Variants in IQCK observed in about 807,000 individuals in gnomAD.
The protein encoded by IQCK is IQ motif containing K.
In IQCK, 29 loss-of-function variants were observed where a neutral mutation model predicts 28.1. The ratio of observed to expected loss-of-function variants is 1.03; its 90% CI spans 0.77 to 1.41. IQCK has a LOEUF of 1.41. IQCK is among the 40% of genes most tolerant of loss of function. IQCK has a pLI of 0.00. For synonymous variants in IQCK, 113 were observed against 115.1 expected (o/e 0.98, Z 0.12); for missense variants, 359 against 314.7 (o/e 1.14, Z -1.07).
chr16:19,798,421 A>AAAAT (rs372924958), intron 7 of IQCK, among the ~76,000 whole-genome samples: 6 of 115,484 alleles, frequency 5.2e-5, no homozygotes, highest in Middle Eastern at 3.8e-3. Flanking sequence ...CATCACAAAA[A>AAAAT]ATATATATAT....
chr16:19,765,899 A>G (rs2055228083), intron 6 of IQCK: 1 of 152,214 alleles, frequency 6.6e-6, no homozygotes, highest in East Asian at 1.9e-4. Context: ...ATAACCAATG[A>G]AAAATAACCT....
intron 4 of IQCK, among the ~76,000 whole-genome samples, chr16:19,759,396 A>G (rs557991385): frequency 1.3e-5 from 2 of 151,954 alleles, no homozygotes; most frequent in South Asian, 4.2e-4. Flanking sequence ...TTTAGTAGAG[A>G]TGGGGTTTTG....
chr16:19,785,170 A>G (rs959156097), intron 6 of IQCK, among the ~76,000 whole-genome samples: 29 of 152,242 alleles, frequency 1.9e-4, no homozygotes, highest in African/African-American at 6.8e-4. Flanking sequence ...TGAGCAAATT[A>G]GAAAAAGGTA....
intron 9 of IQCK, among the ~76,000 whole-genome samples, chr16:19,847,297 G>A (rs1198500116): frequency 6.6e-6 from 1 of 152,110 alleles, no homozygotes; most frequent in Non-Finnish European, 1.5e-5. Flanking sequence ...ACATTTTTGT[G>A]TCTGTTCTCT....
intron 4 of IQCK, among the ~76,000 whole-genome samples, chr16:19,745,451 G>T (rs144453227): frequency 2.0e-5 from 3 of 152,102 alleles, no homozygotes; most frequent in African/African-American, 4.8e-5. Context: ...GGTCAGCCCC[G>T]CAGCGGCCGT....
chr16:19,746,225 G>A (rs928661699), intron 4 of IQCK, among the ~76,000 whole-genome samples: 8 of 149,614 alleles, frequency 5.3e-5, no homozygotes, highest in South Asian at 2.1e-4. Context: ...TGGGTACGTC[G>A]TAGATATATA....
chr16:19,733,818 C>T, exon 3 of IQCK: 14 of 1,613,746 alleles, frequency 8.7e-6, no homozygotes, highest in Middle Eastern at 1.7e-4. Context: ...AACAATCAAC[C>T]CAAAAACATG....
chr16:19,722,620 C>T (rs1274635279), intron 1 of IQCK, among the ~76,000 whole-genome samples: 1 of 152,156 alleles, frequency 6.6e-6, no homozygotes, highest in African/African-American at 2.4e-5. Flanking sequence ...CAATGCTGGG[C>T]CAGGTATAAC....
At chr16:19,841,868 G>A (rs564861374) in intron 9 of IQCK, among the ~76,000 whole-genome samples, 40 of 144,458 alleles carry the variant, frequency 2.8e-4, no homozygotes, top group African/African-American at 1.0e-3. Context: ...TTTTTGAGAC[G>A]CAGTTTTGTT....
chr16:19,758,076 G>A (rs1430770964), intron 4 of IQCK, among the ~76,000 whole-genome samples: 5 of 152,132 alleles, frequency 3.3e-5, no homozygotes, highest in Non-Finnish European at 5.9e-5. Flanking sequence ...ACAAACATAA[G>A]CATTTTCACC....
chr16:19,829,612 C>T (rs773576385), downstream of IQCK, among the ~76,000 whole-genome samples: 2 of 152,152 alleles, frequency 1.3e-5, no homozygotes, highest in Non-Finnish European at 2.9e-5. Flanking sequence ...GCTGGGATTA[C>T]AGGCATCAGC....
At chr16:19,718,336 C>G in exon 1 of IQCK, 3 of 1,610,034 alleles carry the variant, frequency 1.9e-6, no homozygotes, top group Non-Finnish European at 2.5e-6. Flanking sequence ...TCCCCAGCCA[C>G]ATAGTGCGCC....
chr16:19,754,894 C>A (rs1412759767), intron 4 of IQCK, among the ~76,000 whole-genome samples: 1 of 152,146 alleles, frequency 6.6e-6, no homozygotes. Context: ...AGCATGATCC[C>A]TTTTCAGCCA....
intron 9 of IQCK, among the ~76,000 whole-genome samples, chr16:19,838,001 T>C (rs1042272068): frequency 6.6e-6 from 1 of 152,266 alleles, no homozygotes; most frequent in Admixed American, 6.5e-5. Context: ...TGGACCTTGT[T>C]TTCTGCTTTG....
At chr16:19,848,288 C>T (rs927449086) in intron 9 of IQCK, among the ~76,000 whole-genome samples, 6 of 152,170 alleles carry the variant, frequency 3.9e-5, no homozygotes, top group South Asian at 4.2e-4. Flanking sequence ...CCATTGGGAC[C>T]GTATTTCATT....
At chr16:19,852,533 G>A (rs376601381) in intron 9 of IQCK, among the ~76,000 whole-genome samples, 6 of 150,684 alleles carry the variant, frequency 4.0e-5, no homozygotes, top group African/African-American at 9.8e-5. Context: ...CTCTTTTCAC[G>A]TTTGTATGCA....
chr16:19,842,535 T>C (rs965313208), intron 9 of IQCK, among the ~76,000 whole-genome samples: 5 of 152,198 alleles, frequency 3.3e-5, no homozygotes, highest in Non-Finnish European at 7.3e-5. Context: ...ATTTTTTCTT[T>C]GGGTCAAAAT....
Position 19,763,760 on chromosome 16 carries a change from A to G in IQCK, c.475-88A>G, listed in dbSNP as rs146696996. The G allele has an allele frequency of 4.9e-4, 516 of 1,051,438 alleles. 14 individuals carry two copies. In the East Asian group the frequency reaches 0.012, roughly 25 times the overall value. 65.1% of individuals were successfully genotyped at this position (1,051,438 alleles called of 1,614,324 possible). A position where few individuals can be genotyped will look rare whatever the true frequency, so the allele number is the denominator to read the frequency against. ...ACCCAGCCAGTGTTAAGCTTTATTG[A>G]AAAAAGTCATGTATAAGTAGACCTG... On this transcript the variant is annotated intron_variant, in intron 4 of 7. Coordinates refer to ENST00000564186, the Ensembl canonical transcript of IQCK.
chr16:19,729,420 G>A (rs1404810252), intron 1 of IQCK, among the ~76,000 whole-genome samples: 1 of 151,464 alleles, frequency 6.6e-6, no homozygotes, highest in Non-Finnish European at 1.5e-5. Flanking sequence ...ACTGTTCTTT[G>A]TGTTAGCCTC....
Sources: gnomAD v4.1 joint callset for allele counts (sites outside exome capture counted in the v4.1 genomes callset) on GRCh38, gnomAD v4.1.1 for gene constraint, MANE v1.5 for transcripts, NCBI Gene and HGNC (gene_info 2026-07-23, HGNC 2026-07-21) for gene names.